The following ABCG8 variants were observed in gnomAD, a reference collection of about 807,000 sequenced individuals.
The protein encoded by ABCG8 is ATP binding cassette subfamily G member 8, also known as ATP-binding cassette sub-family G member 8.
A neutral mutation model predicts 71.3 loss-of-function variants in ABCG8; 81 were observed. The ratio of observed to expected loss-of-function variants is 1.14; its 90% confidence interval spans 0.95 to 1.37. The LOEUF (loss-of-function observed/expected upper bound fraction) is 1.37, where lower values mean the gene tolerates loss of function less well. Among genes scored for constraint, ABCG8 ranks in the 40% most tolerant of loss-of-function variants. The pLI is 0.00. For synonymous variants in ABCG8, 451 were observed against 354.7 expected, an observed-to-expected ratio of 1.27 and a Z score of -3.05; for missense variants, 1,119 against 866.2, an observed-to-expected ratio of 1.29 and a Z score of -3.66.
At chr2:43,842,342 A>T (rs1049851243) in intron 1 of ABCG8, among the ~76,000 whole-genome samples, 1 of 152,134 alleles carries the variant, frequency 6.6e-6, no homozygotes. Flanking sequence ...TGATGATTCA[A>T]CAACAACAAC....
At chr2:43,863,838 A>G (rs1377057583) in intron 6 of ABCG8, among the ~76,000 whole-genome samples, 1 of 151,372 alleles carries the variant, frequency 6.6e-6, no homozygotes, top group Non-Finnish European at 1.5e-5. Flanking sequence ...CACTCTCTGG[A>G]TAGAACTCTC....
intron 1 of ABCG8, 23 bp from the exon 2 acceptor site, chr2:43,844,484 C>T (rs192970059): frequency 1.9e-6 from 3 of 1,588,366 alleles, no homozygotes; most frequent in South Asian, 1.1e-5. Context: ...AAAGGAGCCC[C>T]TCATCTCTCC....
At position 43,872,076 on chromosome 2, in the gene ABCG8, C is replaced by T; in HGVS notation, c.1065C>T (p.Asp355=). 1 of 1,614,132 alleles carries T rather than the reference C, an allele frequency of 6.2e-7. No individual in the cohort carries two copies. Among genetic ancestry groups the T allele is most frequent in the Non-Finnish European group, 8.5e-7 (1 of 1,180,042 alleles). The change falls in exon 7 of 13, where the codon GAC becomes GAT. Residue 355 remains aspartate (D), a synonymous_variant. Transcript: ENST00000272286. ...LAALFLEKVR[D]LDDFLWKAET... ...CCCTGTTTCTAGAAAAAGTGCGTGACTTAGATGACTTTCTATGGAAAGCAG... is the reference window on the plus strand; with the variant it reads ...CCCTGTTTCTAGAAAAAGTGCGTGATTTAGATGACTTTCTATGGAAAGCAG...
intron 1 of ABCG8, 124 bp downstream of exon 1, chr2:43,839,240 G>A: frequency 1.8e-6 from 2 of 1,086,688 alleles, no homozygotes; most frequent in African/African-American, 3.1e-5. Context: ...GTGAGGACAT[G>A]GCCGCAGGAC....
chr2:43,860,181 C>G (rs1485087585), intron 6 of ABCG8, among the ~76,000 whole-genome samples: 1 of 151,542 alleles, frequency 6.6e-6, no homozygotes, highest in Non-Finnish European at 1.5e-5. Flanking sequence ...AGAACTCTCA[C>G]TATCTGTCTG....
rs1347595445 is a variant in ABCG8, at chr2:43,879,190, C to T, written c.*1277C>T. ...GCCAGAGGATGGGGAGGCAGAGGCC[C>T]AGGTTGCACACTTCTTGCCTGAGTG... is the stretch of plus-strand genomic sequence containing the variant. On this transcript the variant is annotated 3_prime_UTR_variant, in exon 13 of 13. Coordinates refer to ENST00000272286, the MANE Select transcript of ABCG8 (RefSeq NM_022437.3). The T allele has an allele frequency of 6.6e-6, 1 of 152,466 alleles. No individual in the cohort carries two copies. Among genetic ancestry groups the T allele is most frequent in the East Asian group, 1.9e-4 (1 of 5,202 alleles). 9.4% of individuals were successfully genotyped at this position (152,466 alleles called of 1,614,324 possible).
At position 43,852,826 on chromosome 2, in the gene ABCG8, G is replaced by A. The variant is rs749564472; in HGVS notation, c.922G>A (p.Gly308Ser). The A allele has an allele frequency of 8.7e-6, 14 of 1,613,962 alleles. No homozygotes were observed. Among genetic ancestry groups the A allele is most frequent in the Middle Eastern group, 1.6e-4 (1 of 6,084 alleles). ...CATGGTCCAGTATTTCACAGCCATC[G>A]GCTACCCCTGTCCTCGCTACAGCAA... Reference protein sequence around the residue: ...QHMVQYFTAIGYPCPRYSNPA... With the variant: ...QHMVQYFTAISYPCPRYSNPA... Residue 308 changes from glycine to serine, a missense_variant, in exon 6 of 13, where the codon GGC becomes AGC. Transcript: ENST00000272286.
At chr2:43,871,211 G>T (rs927938643) in intron 6 of ABCG8, among the ~76,000 whole-genome samples, 28 of 150,390 alleles carry the variant, frequency 1.9e-4, no homozygotes, top group African/African-American at 6.8e-4. Flanking sequence ...TCACTATCTG[G>T]ATAGAATTCT....
At position 43,844,130 on chromosome 2, in the gene ABCG8, G is replaced by T. The variant is rs765861111; in HGVS notation, c.64-377G>T. Among the ~76,000 whole-genome samples, 7 of 152,200 alleles carry T rather than the reference G, an allele frequency of 4.6e-5. No homozygotes were observed. The East Asian group carries it at 7.7e-4, about 17-fold the overall frequency. On this transcript the variant is annotated intron_variant, in intron 1 of 12. Transcript: ENST00000272286. Reference sequence around the variant, plus strand: ...CAGGGAAGAGAAAGTTAAAGGCAAAGAGTTTGCCCACTCCAGTCAGGTCTT... The same window carrying T: ...CAGGGAAGAGAAAGTTAAAGGCAAATAGTTTGCCCACTCCAGTCAGGTCTT...
rs982339989 is a variant in ABCG8 at position 43,877,906 on chromosome 2, A to T, written c.2015A>T (p.Asp672Val). 3.7e-6 allele frequency: 6 copies of T among 1,614,018 alleles called. No homozygotes were observed. The highest frequency in any genetic ancestry group is 5.1e-6 in the Non-Finnish European group (6 of 1,180,006). The change falls in exon 13 of 13, where the codon GAC becomes GTC. Residue 672 changes from aspartate (D) to valine (V), a missense_variant. Transcript: ENST00000272286. The part of the protein sequence containing the change: ...LRFIKQKPSQ[D>V]W ...TTCATCAAACAGAAACCAAGTCAAG[A>T]CTGGTGATTCACGCCAGACGTCTGC... is the stretch of plus-strand genomic sequence containing the variant.
At position 43,880,216 on chromosome 2, in the gene ABCG8, C is replaced by T. The variant is rs1430775651; in HGVS notation, c.*2303C>T. 1 of 148,650 alleles carries T rather than the reference C, an allele frequency of 6.7e-6. No individual in the cohort carries two copies. The highest frequency in any genetic ancestry group is 1.5e-5 in the Non-Finnish European group (1 of 67,548). 9.2% of individuals were successfully genotyped at this position (148,650 alleles called of 1,614,324 possible). On this transcript the variant is annotated 3_prime_UTR_variant, in exon 13 of 13. Coordinates refer to ENST00000272286, the MANE Select transcript of ABCG8 (RefSeq NM_022437.3). ...TGAGACAGAATCTCATTCTGTGGCC[C>T]AGGCTGGAGTGCAATGGCGCGATCT... is the stretch of plus-strand genomic sequence containing the variant.
chr2:43,862,327 G>C (rs1255185269), intron 6 of ABCG8, among the ~76,000 whole-genome samples: 5 of 150,546 alleles, frequency 3.3e-5, no homozygotes, highest in Admixed American at 2.7e-4. Flanking sequence ...TATCTGGATA[G>C]AATTCTCACA....
chr2:43,846,621 T>C (rs1668751228), intron 3 of ABCG8: 2 of 392,692 alleles, frequency 5.1e-6, no homozygotes, highest in South Asian at 2.1e-5. Flanking sequence ...CAGCATGTAA[T>C]GTTCTTTTCA....
At chr2:43,848,021 T>A (rs1241189617) in intron 3 of ABCG8, 2 of 152,056 alleles carry the variant, frequency 1.3e-5, no homozygotes, top group African/African-American at 4.8e-5. Context: ...TGCCTTGGCC[T>A]CTCAAAGTGC....
intron 6 of ABCG8, among the ~76,000 whole-genome samples, chr2:43,866,137 G>C (rs7598542): frequency 0.24 from 36,531 of 151,632 alleles, 4,496 homozygotes; most frequent in African/African-American, 0.29. Context: ...AAACTGGCTA[G>C]CCATATGTAG....
chr2:43,842,642 A>T (rs4148206), intron 1 of ABCG8, among the ~76,000 whole-genome samples: 62,692 of 151,542 alleles, frequency 0.41, 13,573 homozygotes, highest in East Asian at 0.84. Flanking sequence ...AGCTTAAAGA[A>T]CTCTCATGTA....
Position 43,879,493 on chromosome 2 carries a change from T to C in ABCG8, c.*1580T>C, listed in dbSNP as rs1294155354. ...GCGTCTTAAGAAGACCCCCTGGTGA[T>C]CTGTGCACATTCAAGCATGCTGCCG... is the stretch of plus-strand genomic sequence containing the variant. On this transcript the variant is annotated 3_prime_UTR_variant, in exon 13 of 13. Transcript: ENST00000272286. The C allele has an allele frequency of 1.3e-5, 2 of 152,144 alleles. No homozygotes were observed. Among genetic ancestry groups the C allele is most frequent in the Non-Finnish European group, 2.9e-5 (2 of 68,042 alleles). The allele number at this position is 152,144 out of a possible 1,614,324, so 9.4% of individuals were successfully genotyped here.
At position 43,861,643 on chromosome 2, in the gene ABCG8, C is replaced by T. The variant is rs1669323611; in HGVS notation, c.964+8775C>T. 2.0e-5 allele frequency among the ~76,000 whole-genome samples: 3 copies of T among 151,444 alleles called. No individual in the cohort carries two copies. In the South Asian group the frequency reaches 6.2e-4, roughly 32 times the overall value. ...ATTCTTACTCTCTGGATAGAACTCT[C>T]ACTATCTTTCTGGATAGAACTATCA... On this transcript the variant is annotated intron_variant, in intron 6 of 12. Transcript: ENST00000272286.
chr2:43,864,146 C>T (rs1242461371), intron 6 of ABCG8, among the ~76,000 whole-genome samples: 1 of 151,540 alleles, frequency 6.6e-6, no homozygotes, highest in African/African-American at 2.4e-5. Context: ...AGAATTCTTA[C>T]TGTGTGGATA....
Sources: gnomAD v4.1 joint callset for allele counts (sites outside exome capture counted in the v4.1 genomes callset) on GRCh38, gnomAD v4.1.1 for gene constraint, MANE v1.5 for transcripts, NCBI Gene and HGNC (gene_info 2026-07-23, HGNC 2026-07-21) for gene names.